The following GREB1 variants were observed in gnomAD, a reference collection of about 807,000 sequenced individuals.
GREB1 encodes the protein growth regulating estrogen receptor binding 1, also known as protein GREB1.
In GREB1, 106 loss-of-function variants were observed where a neutral mutation model predicts 200.7. The ratio of observed to expected loss-of-function variants is 0.53; its 90% CI spans 0.45 to 0.62. GREB1 has a LOEUF of 0.62. Among genes scored for constraint, GREB1 ranks in the 20% least tolerant of loss-of-function variants. The pLI is 0.00. For missense variants in GREB1, 2,243 were observed against 2,556.8 expected, an observed-to-expected ratio of 0.88 and a Z score of 2.65; for synonymous variants, 1,132 against 1,092.4, an observed-to-expected ratio of 1.04 and a Z score of -0.72.
rs753224900 is a variant in GREB1, at chr2:11,580,604, G to C, written c.773-100G>C. On this transcript the variant is annotated intron_variant, in intron 6 of 32. Transcript: ENST00000381486. This position sits in a 1 kb window ranked among gnomAD's most constrained non-coding sequence, Gnocchi z 4.5. Reference sequence around the variant, plus strand: ...TCCTGATGAGACTTGCTGGGGAAAAGCTAGTTTGTGAAACTGCAAGGAAAA... The same window carrying C: ...TCCTGATGAGACTTGCTGGGGAAAACCTAGTTTGTGAAACTGCAAGGAAAA... 4.3e-6 allele frequency: 6 copies of C among 1,382,554 alleles called. No homozygotes were observed. The highest frequency in any genetic ancestry group is 1.4e-5 in the South Asian group (1 of 73,346). 85.6% of individuals were successfully genotyped at this position (1,382,554 alleles called of 1,614,324 possible).
upstream of GREB1, among the ~76,000 whole-genome samples, chr2:11,530,041 TTTTTATTTTA>T (rs1321537945): frequency 2.6e-5 from 4 of 152,032 alleles, no homozygotes; most frequent in African/African-American, 4.8e-5. Flanking sequence ...CCTAGGTGAT[TTTTTATTTTA>T]TTTTATTTTA....
intron 1 of GREB1, among the ~76,000 whole-genome samples, chr2:11,500,734 G>C (rs1292527734): frequency 6.6e-6 from 1 of 152,202 alleles, no homozygotes; most frequent in African/African-American, 2.4e-5. Flanking sequence ...TTCAGCAGTT[G>C]GGAAAGCGGA....
intron 1 of GREB1, among the ~76,000 whole-genome samples, chr2:11,509,131 T>TA (rs1553341381): frequency 6.6e-6 from 1 of 151,810 alleles, no homozygotes; most frequent in Non-Finnish European, 1.5e-5. Flanking sequence ...TGCCTTGGCC[T>TA]CCAAAGTGCT....
intron 2 of GREB1, among the ~76,000 whole-genome samples, chr2:11,559,545 C>T (rs374071186): frequency 6.6e-6 from 1 of 152,200 alleles, no homozygotes. Flanking sequence ...TTGGCTGCGA[C>T]GGTGCGGGCC....
intron 1 of GREB1, chr2:11,540,546 A>G (rs1189588992): frequency 3.2e-5 from 5 of 154,340 alleles, no homozygotes; most frequent in Non-Finnish European, 5.9e-5. Flanking sequence ...TTCTCCAAAG[A>G]AACACTCTCT....
intron 1 of GREB1, among the ~76,000 whole-genome samples, chr2:11,546,189 T>TA (rs5829315): frequency 0.66 from 99,705 of 150,864 alleles, 33,637 homozygotes; most frequent in South Asian, 0.83. Flanking sequence ...AAAATAAAAA[T>TA]AAAAAAAAAT....
intron 11 of GREB1, among the ~76,000 whole-genome samples, chr2:11,594,554 C>T (rs1188004319): frequency 2.0e-5 from 3 of 151,356 alleles, no homozygotes; most frequent in African/African-American, 7.3e-5. Flanking sequence ...GGGGTTTCAC[C>T]ATGTTGGCCA....
rs116171130 is a variant in GREB1, at chr2:11,525,747, C to T, written c.-158-30710C>T. On this transcript the variant is annotated intron_variant, in intron 1 of 2. Coordinates refer to the GREB1 transcript ENST00000628795. ...AGCCTGGCAGGATGGAGCATGAGGT[C>T]GGGGCTCCAGCAGTCAGAACTTCAT... Among the ~76,000 whole-genome samples, 269 of 152,196 alleles carry T rather than the reference C, an allele frequency of 1.8e-3. 1 individual carries two copies. The highest frequency in any genetic ancestry group is 6.2e-3 in the African/African-American group (258 of 41,526).
intron 1 of GREB1, among the ~76,000 whole-genome samples, chr2:11,516,311 G>GGT (rs60141733): frequency 0.094 from 13,560 of 143,804 alleles, 569 homozygotes; most frequent in East Asian, 0.11. Context: ...TTTTCCTGCA[G>GGT]GTGTGTGTGT....
At chr2:11,562,957 G>A in intron 3 of GREB1, 1 of 156,312 alleles carries the variant, frequency 6.4e-6, no homozygotes, top group Non-Finnish European at 1.3e-5. Flanking sequence ...CAAGTGATTA[G>A]GAGGAATAAT....
At chr2:11,591,618 A>G in intron 10 of GREB1, 1 of 601,538 alleles carries the variant, frequency 1.7e-6, no homozygotes. Context: ...TCGCGTGGTA[A>G]ACTGACGCAT....
chr2:11,502,419 G>C (rs115468133), intron 1 of GREB1, among the ~76,000 whole-genome samples: 1 of 144,236 alleles, frequency 6.9e-6, no homozygotes, highest in Admixed American at 6.9e-5. Context: ...ATAGGGTCTC[G>C]CCATGTTGCC....
chr2:11,498,957 T>A lies in GREB1; in HGVS notation c.-159+16576T>A, dbSNP rs568033089. Reference sequence around the variant, plus strand: ...GAACTCAAGTGCTATTTTGGAAGTGTGGGTTTTCATTTTAAAAAATGGTTA... The same window carrying A: ...GAACTCAAGTGCTATTTTGGAAGTGAGGGTTTTCATTTTAAAAAATGGTTA... On this transcript the variant is annotated intron_variant, in intron 1 of 2. Coordinates refer to the GREB1 transcript ENST00000628795. 1.6e-3 allele frequency among the ~76,000 whole-genome samples: 249 copies of A among 152,332 alleles called. 1 individual carries two copies. Among genetic ancestry groups the A allele is most frequent in the African/African-American group, 5.9e-3 (244 of 41,570 alleles).
intron 9 of GREB1, among the ~76,000 whole-genome samples, chr2:11,586,129 G>A (rs2148124812): frequency 6.6e-6 from 1 of 152,318 alleles, no homozygotes; most frequent in Admixed American, 6.5e-5. Flanking sequence ...TTTCCACAGT[G>A]GGTCCAGGTG....
chr2:11,556,760 C>A lies in GREB1; in HGVS notation c.146C>A (p.Ala49Asp). 1 of 1,613,704 alleles carries A rather than the reference C, an allele frequency of 6.2e-7. No homozygotes were observed. Among genetic ancestry groups the A allele is most frequent in the Non-Finnish European group, 8.5e-7 (1 of 1,179,816 alleles). Residue 49 changes from alanine (A) to aspartate (D), a missense_variant, in exon 2 of 33, where the codon GCC becomes GAC. Transcript: ENST00000381486. The part of the protein sequence containing the change: ...QLYLEAEQQL[A>D]ALEGGSRVDN... ...TACCTGGAAGCTGAGCAGCAGCTTG[C>A]CGCTCTAGAAGGTGGGAGACGCACG...
At chr2:11,559,303 C>T (rs1183598892) in intron 2 of GREB1, among the ~76,000 whole-genome samples, 2 of 152,188 alleles carry the variant, frequency 1.3e-5, no homozygotes, top group African/African-American at 4.8e-5. Context: ...TAGTCTGCTC[C>T]CGGGCAGGAA....
chr2:11,523,041 G>A (rs1572587014), intron 1 of GREB1, among the ~76,000 whole-genome samples: 1 of 152,212 alleles, frequency 6.6e-6, no homozygotes, highest in African/African-American at 2.4e-5. Context: ...GGAATACTAT[G>A]CAGCCATAAA....
chr2:11,505,640 G>A (rs1289207326), intron 1 of GREB1, among the ~76,000 whole-genome samples: 1 of 152,144 alleles, frequency 6.6e-6, no homozygotes. Flanking sequence ...TCAGGAGTTT[G>A]AGACCAGCCT....
intron 1 of GREB1, among the ~76,000 whole-genome samples, chr2:11,524,569 G>A (rs1295534025): frequency 2.6e-5 from 4 of 152,182 alleles, no homozygotes; most frequent in African/African-American, 4.8e-5. Context: ...GCAGTACCAC[G>A]TCCTGTCTGA....
Sources: gnomAD v4.1 joint callset for allele counts (sites outside exome capture counted in the v4.1 genomes callset) on GRCh38, gnomAD v4.1.1 for gene constraint, Gnocchi (gnomAD v3.1) non-coding constraint, MANE v1.5 for transcripts, NCBI Gene and HGNC (gene_info 2026-07-23, HGNC 2026-07-21) for gene names.